Variants in RELB observed in about 807,000 individuals in gnomAD.
The protein encoded by RELB is RELB proto-oncogene, NF-kB subunit, also known as transcription factor RelB.
Under a neutral mutation model 55.4 loss-of-function variants are expected in RELB, and 14 were observed. The observed-to-expected ratio is 0.25, with a 90% CI of 0.17 to 0.40. RELB has a LOEUF of 0.40. Among genes scored for constraint, RELB ranks in the 10% least tolerant of loss-of-function variants. RELB has a pLI of 1.00. For missense variants in RELB, 669 were observed against 830.7 expected (o/e 0.81, Z 2.39); for synonymous variants, 409 against 371.3 (o/e 1.10, Z -1.17).
chr19:45,031,249 A>G (rs1039666070), intron 8 of RELB, among the ~76,000 whole-genome samples: 2 of 151,904 alleles, frequency 1.3e-5, no homozygotes, highest in African/African-American at 4.8e-5. Context: ...TCTGTCTCTT[A>G]AATAGCTGGG....
At chr19:45,023,242 T>C (rs1971511148) in intron 5 of RELB, among the ~76,000 whole-genome samples, 1 of 152,154 alleles carries the variant, frequency 6.6e-6, no homozygotes, top group Non-Finnish European at 1.5e-5. Context: ...TGCCATGTTA[T>C]GCAATTTACA....
At chr19:45,031,798 G>A (rs894361009) in intron 8 of RELB, among the ~76,000 whole-genome samples, 3 of 150,892 alleles carry the variant, frequency 2.0e-5, no homozygotes, top group Non-Finnish European at 1.5e-5. Context: ...GGGTAGTCTC[G>A]ATCTCCTGAC....
chr19:45,023,585 C>T (rs1391049151), intron 5 of RELB, among the ~76,000 whole-genome samples: 2 of 151,128 alleles, frequency 1.3e-5, no homozygotes, highest in Admixed American at 6.6e-5. Context: ...CTGCAGGCGC[C>T]CACCACCACA....
chr19:45,021,924 G>T (rs1257504786), intron 4 of RELB, 129 bp from the exon 5 acceptor site: 9 of 929,932 alleles, frequency 9.7e-6, no homozygotes, highest in East Asian at 2.9e-5. Flanking sequence ...GCGGGAGAAG[G>T]TTGGGGAGCT....
intron 2 of RELB, among the ~76,000 whole-genome samples, chr19:45,003,915 G>GTT (rs1039624578): frequency 0.044 from 2,792 of 63,574 alleles, 956 homozygotes; most frequent in Admixed American, 0.055. Flanking sequence ...TGTTTTTTGT[G>GTT]TTTTTTTTTT....
chr19:45,033,995 A>C (rs950566438), intron 9 of RELB, among the ~76,000 whole-genome samples: 3 of 151,544 alleles, frequency 2.0e-5, no homozygotes, highest in African/African-American at 7.3e-5. Flanking sequence ...CATCTCTACT[A>C]AAAAAATACA....
Position 45,037,873 on chromosome 19 carries a change from C to T in RELB, c.*83C>T. 1 of 1,353,618 alleles carries T rather than the reference C, an allele frequency of 7.4e-7. No individual in the cohort carries two copies. Among genetic ancestry groups the T allele is most frequent in the Non-Finnish European group, 9.7e-7 (1 of 1,025,656 alleles). 83.9% of individuals were successfully genotyped at this position (1,353,618 alleles called of 1,614,324 possible). A position where few individuals can be genotyped will look rare whatever the true frequency, so the allele number is the denominator to read the frequency against. On this transcript the variant is annotated 3_prime_UTR_variant, in exon 12 of 12. Transcript: ENST00000221452. The stretch of plus-strand genomic sequence containing the variant: ...TCCCAACCAGGATGTCTAGCACCCC[C>T]ATCCCCTTGGCCCTTCCTCATGCTT...
intron 4 of RELB, 75 bp downstream of exon 4, chr19:45,012,351 A>C (rs1439983641): frequency 1.1e-6 from 1 of 901,732 alleles, no homozygotes; most frequent in Non-Finnish European, 1.5e-6. Context: ...ACATGCATTT[A>C]TACGTTTATT....
In RELB at chr19:45,036,752, C is replaced by G. The variant is rs551503433; in HGVS notation, c.1355-653C>G. ...GCTGGAGTGCAGTGGTGTGATCATA[C>G]TTCGCTGCAGCCTCAAACTGGGCTC... On this transcript the variant is annotated intron_variant, in intron 11 of 11. Coordinates refer to ENST00000221452, the MANE Select transcript of RELB (RefSeq NM_006509.4). Among the ~76,000 whole-genome samples the G allele has an allele frequency of 1.4e-4, 22 of 152,286 alleles. No homozygotes were observed. The East Asian group carries it at 4.2e-3, about 29-fold the overall frequency.
intron 2 of RELB, chr19:45,008,587 G>A (rs948913242): frequency 6.3e-4 from 286 of 455,426 alleles, no homozygotes; most frequent in Non-Finnish European, 1.1e-3. Flanking sequence ...AAATTGGGGG[G>A]ACCTTGGCAC....
chr19:45,031,452 C>T (rs1255600053), intron 8 of RELB, among the ~76,000 whole-genome samples: 1 of 152,064 alleles, frequency 6.6e-6, no homozygotes, highest in Non-Finnish European at 1.5e-5. Flanking sequence ...GCTGACTGTG[C>T]CTGGTATCCT....
chr19:45,023,299 C>T (rs1474877136), intron 5 of RELB, among the ~76,000 whole-genome samples: 1 of 152,130 alleles, frequency 6.6e-6, no homozygotes, highest in Non-Finnish European at 1.5e-5. Flanking sequence ...ACAACCTCAC[C>T]AGCACCGAGT....
chr19:45,019,186 C>T (rs141070265), intron 4 of RELB, among the ~76,000 whole-genome samples: 90 of 152,200 alleles, frequency 5.9e-4, no homozygotes, highest in Non-Finnish European at 1.1e-3. Flanking sequence ...TCTTAGCCTC[C>T]TGAGTACCTG....
chr19:45,028,643 C>T (rs1458268338), intron 7 of RELB, among the ~76,000 whole-genome samples: 3 of 152,112 alleles, frequency 2.0e-5, no homozygotes, highest in East Asian at 1.9e-4. Flanking sequence ...AAAAGATCTT[C>T]GTTTTGGACA....
At chr19:45,010,019 C>A (rs1305753572) in intron 3 of RELB, among the ~76,000 whole-genome samples, 197 bp downstream of exon 3, 1 of 152,038 alleles carries the variant, frequency 6.6e-6, no homozygotes, top group South Asian at 2.1e-4. Context: ...CTCAGCACGC[C>A]GGGGGCTGTG....
Position 45,001,521 on chromosome 19 carries a change from G to C in RELB, c.-59G>C. 1 of 1,013,530 alleles carries C rather than the reference G, an allele frequency of 9.9e-7. No homozygotes were observed. Among genetic ancestry groups the C allele is most frequent in the South Asian group, 2.2e-5 (1 of 45,002 alleles). The allele number at this position is 1,013,530 out of a possible 1,614,324, so 62.8% of individuals were successfully genotyped here. A position where few individuals can be genotyped will look rare whatever the true frequency, so the allele number is the denominator to read the frequency against. ...TGCGGCCCCAGCCCTTGCGCCGCTC[G>C]TCCGACCCGCGATCGTCCACCAGAC... On this transcript the variant is annotated 5_prime_UTR_variant, in exon 1 of 12. Coordinates refer to ENST00000221452, the MANE Select transcript of RELB (RefSeq NM_006509.4).
chr19:45,010,686 G>A (rs2040987617), intron 3 of RELB, among the ~76,000 whole-genome samples: 1 of 152,038 alleles, frequency 6.6e-6, no homozygotes, highest in Non-Finnish European at 1.5e-5. Context: ...ATTTATTTAA[G>A]TTATTTTTTG....
intron 4 of RELB, among the ~76,000 whole-genome samples, chr19:45,018,290 G>A (rs1463052529): frequency 1.3e-5 from 2 of 152,108 alleles, no homozygotes; most frequent in African/African-American, 4.8e-5. Context: ...TATAGTCCCA[G>A]CTACTCGAGA....
chr19:45,028,714 T>G (rs539326176), intron 7 of RELB, among the ~76,000 whole-genome samples, 174 bp from the exon 8 acceptor site: 1 of 152,280 alleles, frequency 6.6e-6, no homozygotes, highest in East Asian at 1.9e-4. Context: ...TCTGTCCGAG[T>G]GACTTCTTTC....
Sources: allele counts gnomAD v4.1 joint callset (sites outside exome capture counted in the v4.1 genomes callset), GRCh38; gene constraint gnomAD v4.1.1; transcripts MANE v1.5; gene names NCBI Gene and HGNC (gene_info 2026-07-23, HGNC 2026-07-21).